Variants in PLEKHO2 observed in about 807,000 individuals in gnomAD.
PLEKHO2 encodes pleckstrin homology domain containing O2.
In PLEKHO2, 20 loss-of-function variants were observed where a neutral mutation model predicts 32.7. That is an observed-to-expected ratio of 0.61 (90% CI 0.43 to 0.89). PLEKHO2 has a LOEUF of 0.89. Among genes scored for constraint, PLEKHO2 ranks in the 40% least tolerant of loss-of-function variants. PLEKHO2 has a pLI of 0.00. For synonymous variants in PLEKHO2, 247 were observed against 246.3 expected (o/e 1.00, Z -0.03); for missense variants, 568 against 621.2 (o/e 0.91, Z 0.91).
intron 2 of PLEKHO2, among the ~76,000 whole-genome samples, chr15:64,852,706 C>T (rs1031820534): frequency 6.6e-6 from 1 of 151,832 alleles, no homozygotes; most frequent in African/African-American, 2.4e-5. Context: ...CTGCAGCCTC[C>T]GCCTCCTGGG....
intron 2 of PLEKHO2, among the ~76,000 whole-genome samples, chr15:64,853,500 T>C (rs1051141652): frequency 2.6e-5 from 4 of 152,002 alleles, no homozygotes; most frequent in African/African-American, 9.7e-5. Flanking sequence ...TTCACTGTGT[T>C]GGCCAGTATG....
chr15:64,860,131 C>A (rs942124077), intron 4 of PLEKHO2, 133 bp downstream of exon 4: 1 of 733,300 alleles, frequency 1.4e-6, no homozygotes, highest in African/African-American at 1.8e-5. Flanking sequence ...ATTGTTGTTA[C>A]CTTCTATAGT....
chr15:64,855,112 C>G (rs2084598430), intron 3 of PLEKHO2, 75 bp downstream of exon 3: 1 of 1,170,932 alleles, frequency 8.5e-7, no homozygotes, highest in South Asian at 1.3e-5. Flanking sequence ...AGGTTTAAGG[C>G]AGGCCTGGCC....
chr15:64,861,598 T>G (rs755833638), intron 5 of PLEKHO2, 23 bp downstream of exon 5: 1 of 1,553,472 alleles, frequency 6.4e-7, no homozygotes, highest in Admixed American at 2.0e-5. Context: ...CCAGTGTGGA[T>G]GTTGGGGTTA....
intron 3 of PLEKHO2, 52 bp downstream of exon 3, chr15:64,855,089 G>C (rs1335891643): frequency 6.9e-7 from 1 of 1,452,856 alleles, no homozygotes; most frequent in Non-Finnish European, 9.5e-7. Flanking sequence ...GAGTCAGCTT[G>C]GGAGGCCTAA....
intron 1 of PLEKHO2, among the ~76,000 whole-genome samples, chr15:64,842,544 G>A (rs187189168): frequency 6.6e-6 from 1 of 151,644 alleles, no homozygotes; most frequent in East Asian, 1.9e-4. Context: ...TCAAGGATGT[G>A]ACCATGCTTT....
At chr15:64,852,624 GTTC>G (rs1487298750) in intron 2 of PLEKHO2, among the ~76,000 whole-genome samples, 1 of 151,352 alleles carries the variant, frequency 6.6e-6, no homozygotes, top group Non-Finnish European at 1.5e-5. Context: ...TAGAGCAGTG[GTTC>G]TTTTTTTTTT....
intron 1 of PLEKHO2, among the ~76,000 whole-genome samples, chr15:64,847,437 C>G (rs569760707): frequency 1.3e-5 from 2 of 152,304 alleles, no homozygotes; most frequent in Non-Finnish European, 1.5e-5. Context: ...CCTTCACCCC[C>G]CACTTCACAC....
In PLEKHO2 at chr15:64,866,220, T is replaced by G. The variant is rs1595834275; in HGVS notation, c.*332T>G. 2.1e-6 allele frequency: 1 copy of G among 467,618 alleles called. No individual in the cohort carries two copies. Among genetic ancestry groups the G allele is most frequent in the Non-Finnish European group, 4.1e-6 (1 of 243,912 alleles). 29.0% of individuals were successfully genotyped at this position (467,618 alleles called of 1,614,324 possible). A position where few individuals can be genotyped will look rare whatever the true frequency, so the allele number is the denominator to read the frequency against. Reference sequence around the variant, plus strand: ...CTTTGGGGGCGGCACTTGGGGTTTCTGGGAATGACATCATCTCTGTTCCCC... The same window carrying G: ...CTTTGGGGGCGGCACTTGGGGTTTCGGGGAATGACATCATCTCTGTTCCCC... On this transcript the variant is annotated 3_prime_UTR_variant, in exon 6 of 6. Transcript: ENST00000323544.
intron 2 of PLEKHO2, among the ~76,000 whole-genome samples, chr15:64,853,815 A>G (rs2084588218): frequency 6.6e-6 from 1 of 152,210 alleles, no homozygotes; most frequent in African/African-American, 2.4e-5. Context: ...CTTCACCTCC[A>G]GGCCTCATTC....
chr15:64,855,962 CT>C (rs61486297), intron 3 of PLEKHO2, among the ~76,000 whole-genome samples: 15,555 of 152,102 alleles, frequency 0.1, 2,429 homozygotes, highest in African/African-American at 0.33. Context: ...CAATGCTTTA[CT>C]CATTGACCCT....
intron 1 of PLEKHO2, among the ~76,000 whole-genome samples, chr15:64,847,245 A>G (rs2084529304): frequency 6.6e-6 from 1 of 152,132 alleles, no homozygotes; most frequent in African/African-American, 2.4e-5. Context: ...CCACGCTTAC[A>G]TCTGTCTGGG....
intron 2 of PLEKHO2, among the ~76,000 whole-genome samples, chr15:64,852,639 GAGA>G (rs981565964): frequency 3.4e-5 from 5 of 146,592 alleles, no homozygotes; most frequent in African/African-American, 1.3e-4. Context: ...TTTTTTTTTT[GAGA>G]AGGAGTCGCC....
intron 5 of PLEKHO2, among the ~76,000 whole-genome samples, chr15:64,862,796 C>CT (rs2084651920): frequency 1.3e-5 from 2 of 151,926 alleles, no homozygotes; most frequent in African/African-American, 2.4e-5. Context: ...TATTATTATA[C>CT]TTTAAGTTTT....
chr15:64,860,384 G>C (rs1020789183), intron 4 of PLEKHO2, among the ~76,000 whole-genome samples: 1 of 152,228 alleles, frequency 6.6e-6, no homozygotes, highest in Non-Finnish European at 1.5e-5. Context: ...ATGAAGTCCA[G>C]GGCAGGCTGG....
rs199594189 is a variant in PLEKHO2, at chr15:64,854,950, G to C, written c.192G>C (p.Glu64Asp). 2.1e-4 allele frequency: 338 copies of C among 1,612,732 alleles called. No individual in the cohort carries two copies. In the Middle Eastern group the frequency reaches 2.5e-3, roughly 12 times the overall value. ...ATCAGAAGTGTGTGGAGACTGTGGA[G>C]CTGGGCAGCTATGAGAAGTGCCAGG... ...EDDQKCVETV[E>D]LGSYEKCQDL... Residue 64 changes from glutamate to aspartate, a missense_variant, in exon 3 of 6, where the codon GAG (glutamate) becomes GAC (aspartate). Glu to Asp is a conservative substitution (Grantham distance 45). Transcript: ENST00000323544.
In PLEKHO2 at chr15:64,865,341, C is replaced by T. The variant is rs892193576; in HGVS notation, c.926C>T (p.Pro309Leu). ...SEAAPREGGK[P>L]PTPPPKILSE... ...GCTGCCCCCAGGGAGGGTGGGAAGC[C>T]CCCTACACCCCCACCCAAGATCTTA... The change falls in exon 6 of 6, where the codon CCC becomes CTC. Residue 309 changes from proline (P) to leucine (L), a missense_variant. Transcript: ENST00000323544. The T allele has an allele frequency of 2.0e-5, 32 of 1,613,650 alleles. No individual in the cohort carries two copies. In the Middle Eastern group the frequency reaches 4.9e-4, roughly 25 times the overall value.
chr15:64,846,213 C>G (rs1375737086), intron 1 of PLEKHO2, among the ~76,000 whole-genome samples: 1 of 152,066 alleles, frequency 6.6e-6, no homozygotes, highest in African/African-American at 2.4e-5. Flanking sequence ...AATGGGAGAG[C>G]CTTTCCCTTC....
In PLEKHO2 at chr15:64,849,092, G is replaced by C. The variant is rs2140339295; in HGVS notation, c.162+350G>C. 1.3e-5 allele frequency among the ~76,000 whole-genome samples: 2 copies of C among 149,258 alleles called. 1 individual carries two copies. The highest frequency in any genetic ancestry group is 4.3e-4 in the South Asian group (2 of 4,682). On this transcript the variant is annotated intron_variant, in intron 2 of 5. Transcript: ENST00000323544. ...CTGGTTCAAGCAAAGCAATTCCTCT[G>C]TCTTAGCCTCCTGAGTAGCTGGGAC...
Sources: gnomAD v4.1 joint callset for allele counts (sites outside exome capture counted in the v4.1 genomes callset) on GRCh38, gnomAD v4.1.1 for gene constraint, MANE v1.5 for transcripts, NCBI Gene and HGNC (gene_info 2026-07-23, HGNC 2026-07-21) for gene names.